CMSS1: variants seen among roughly 807,000 people sequenced by gnomAD.
CMSS1 encodes protein CMSS1.
A neutral mutation model predicts 43.5 loss-of-function variants in CMSS1; 33 were observed. That is an observed-to-expected ratio of 0.76 (90% CI 0.57 to 1.01). CMSS1 has a LOEUF of 1.01. Among genes scored for constraint, CMSS1 ranks in the 50% least tolerant of loss-of-function variants. The probability of loss-of-function intolerance (pLI) is 0.00; values close to 1 mark genes in which losing one functional copy is unlikely to be tolerated. For missense variants in CMSS1, 313 were observed against 326.4 expected (o/e 0.96, Z 0.32); for synonymous variants, 115 against 117.2 (o/e 0.98, Z 0.12).
intron 1 of CMSS1, among the ~76,000 whole-genome samples, chr3:99,874,085 C>A (rs953666244): frequency 3.3e-5 from 5 of 152,042 alleles, no homozygotes; most frequent in African/African-American, 1.2e-4. Context: ...TGTGATTGTT[C>A]TTTGAACCAT....
chr3:99,927,856 C>T (rs1707345860), intron 1 of CMSS1, among the ~76,000 whole-genome samples: 1 of 152,256 alleles, frequency 6.6e-6, no homozygotes, highest in Non-Finnish European at 1.5e-5. Context: ...CAGCCCCAAG[C>T]ATGTTCCAGC....
intron 1 of CMSS1, among the ~76,000 whole-genome samples, chr3:100,017,251 A>ATTATACAG (rs1310464426): frequency 6.6e-6 from 1 of 152,240 alleles, no homozygotes; most frequent in Non-Finnish European, 1.5e-5. Flanking sequence ...CAGTTGGTCC[A>ATTATACAG]TTATACAGAG....
In CMSS1 at chr3:99,977,426, G is replaced by T. The variant is rs117381034; in HGVS notation, c.64+159383G>T. On this transcript the variant is annotated intron_variant, in intron 1 of 9. Coordinates refer to ENST00000421999, the MANE Select transcript of CMSS1 (RefSeq NM_032359.4). ...GTATTTCTGTGGTTCAGAAAGGTAT[G>T]CTGGGGGCCTATGGGCAATAGAAGT... 1.8e-3 allele frequency among the ~76,000 whole-genome samples: 281 copies of T among 152,276 alleles called. 3 individuals carry two copies. The South Asian group carries it at 0.032, about 17-fold the overall frequency.
At chr3:100,031,151 A>G (rs1378933095) in intron 1 of CMSS1, among the ~76,000 whole-genome samples, 1 of 152,124 alleles carries the variant, frequency 6.6e-6, no homozygotes, top group Non-Finnish European at 1.5e-5. Flanking sequence ...TTTTTAGACT[A>G]TGTACTTAAA....
chr3:100,112,870 A>G (rs1276320352), intron 1 of CMSS1, among the ~76,000 whole-genome samples: 1 of 152,252 alleles, frequency 6.6e-6, no homozygotes, highest in African/African-American at 2.4e-5. Context: ...GTCAACTGAT[A>G]AATGTAGAGA....
intron 1 of CMSS1, among the ~76,000 whole-genome samples, chr3:100,098,320 T>C (rs1349857929): frequency 2.0e-5 from 3 of 152,230 alleles, no homozygotes; most frequent in Non-Finnish European, 2.9e-5. Flanking sequence ...AAAAACCCTA[T>C]ATTTGAATGC....
At chr3:100,124,310 T>C (rs762079739) in intron 1 of CMSS1, among the ~76,000 whole-genome samples, 2 of 152,154 alleles carry the variant, frequency 1.3e-5, no homozygotes, top group Non-Finnish European at 1.5e-5. Context: ...AAATTGGAAG[T>C]TGGAATAGGA....
In CMSS1 at chr3:100,032,050, A is replaced by G. The variant is rs182548837; in HGVS notation, c.65-114923A>G. On this transcript the variant is annotated intron_variant, in intron 1 of 9. Transcript: ENST00000421999. The stretch of plus-strand genomic sequence containing the variant: ...TGTAAAAATTATGCTTTCAGATTAT[A>G]TAAAGACAGGCTACAGACCAGATCT... Among the ~76,000 whole-genome samples, 123 of 152,294 alleles carry G rather than the reference A, an allele frequency of 8.1e-4. 1 individual carries two copies. Among genetic ancestry groups the G allele is most frequent in the African/African-American group, 2.7e-3 (114 of 41,572 alleles).
chr3:100,061,850 C>T (rs897200592), intron 1 of CMSS1, among the ~76,000 whole-genome samples: 2 of 152,118 alleles, frequency 1.3e-5, no homozygotes, highest in African/African-American at 4.8e-5. Flanking sequence ...AGAGACTTCA[C>T]TTTTTTCATT....
chr3:99,818,275 G>A (rs1431992175), intron 1 of CMSS1, among the ~76,000 whole-genome samples: 1 of 152,230 alleles, frequency 6.6e-6, no homozygotes, highest in Non-Finnish European at 1.5e-5. Flanking sequence ...CTTTCCACAA[G>A]CTTTCTCTTT....
intron 1 of CMSS1, among the ~76,000 whole-genome samples, chr3:99,855,262 C>T (rs1943905247): frequency 6.6e-6 from 1 of 152,100 alleles, no homozygotes; most frequent in Non-Finnish European, 1.5e-5. Context: ...TTCTGGGGAA[C>T]AAAATGACTC....
chr3:100,108,813 G>A (rs1018469998), intron 1 of CMSS1, among the ~76,000 whole-genome samples: 3 of 152,156 alleles, frequency 2.0e-5, no homozygotes, highest in African/African-American at 7.2e-5. Flanking sequence ...AGCACAGCGT[G>A]TGGTTGTGGT....
intron 1 of CMSS1, among the ~76,000 whole-genome samples, chr3:99,859,657 T>C (rs529886697): frequency 6.6e-6 from 1 of 152,340 alleles, no homozygotes; most frequent in African/African-American, 2.4e-5. Flanking sequence ...TAATACATAA[T>C]TTTAACTGTG....
intron 1 of CMSS1, among the ~76,000 whole-genome samples, chr3:99,935,147 A>T (rs1040138550): frequency 1.3e-5 from 2 of 152,130 alleles, no homozygotes; most frequent in African/African-American, 4.8e-5. Flanking sequence ...TTGTATTATC[A>T]GTGACTTCAT....
chr3:99,936,369 C>CTTTTTTTTTTTT (rs548149257), intron 1 of CMSS1, among the ~76,000 whole-genome samples: 3 of 86,384 alleles, frequency 3.5e-5, no homozygotes, highest in Non-Finnish European at 6.5e-5. Context: ...AGCTTGAAGC[C>CTTTTTTTTTTTT]TTTTTTTTTT....
chr3:100,000,940 G>A (rs1337669683), intron 1 of CMSS1, among the ~76,000 whole-genome samples: 1 of 152,182 alleles, frequency 6.6e-6, no homozygotes, highest in Non-Finnish European at 1.5e-5. Context: ...TGTAAGAGTA[G>A]CTCCTTGATT....
At chr3:99,875,251 G>C (rs2107592263) in intron 1 of CMSS1, among the ~76,000 whole-genome samples, 1 of 152,282 alleles carries the variant, frequency 6.6e-6, no homozygotes. Context: ...CATACTGTAA[G>C]AGTTCATTGG....
At chr3:99,819,263 C>G (rs1942383911) in intron 1 of CMSS1, among the ~76,000 whole-genome samples, 1 of 152,220 alleles carries the variant, frequency 6.6e-6, no homozygotes, top group Admixed American at 6.5e-5. Flanking sequence ...ACTTTAATAA[C>G]TACCCCTCCC....
At chr3:99,906,839 A>G (rs529802199) in intron 1 of CMSS1, among the ~76,000 whole-genome samples, 1 of 152,256 alleles carries the variant, frequency 6.6e-6, no homozygotes, top group South Asian at 2.1e-4. Flanking sequence ...CTTTTCATGT[A>G]TTTTGCCATT....
Sources: allele counts gnomAD v4.1 joint callset (sites outside exome capture counted in the v4.1 genomes callset), GRCh38; gene constraint gnomAD v4.1.1; transcripts MANE v1.5; gene names NCBI Gene and HGNC (gene_info 2026-07-23, HGNC 2026-07-21).